Variants in RAB31 observed in about 807,000 individuals in gnomAD.
RAB31 encodes ras-related protein Rab-31.
In RAB31, 21 loss-of-function variants were observed where a neutral mutation model predicts 25.6. The observed-to-expected ratio is 0.82, with a 90% CI of 0.58 to 1.18. RAB31 has a LOEUF of 1.18. Among genes scored for constraint, RAB31 ranks in the 50% most tolerant of loss-of-function variants. The probability of loss-of-function intolerance (pLI) is 0.00; values close to 1 mark genes in which losing one functional copy is unlikely to be tolerated. For missense variants in RAB31, 196 were observed against 250.1 expected, an observed-to-expected ratio of 0.78 and a Z score of 1.46; for synonymous variants, 87 against 84.0, an observed-to-expected ratio of 1.04 and a Z score of -0.20.
chr18:9,773,173 C>T (rs2068354244), intron 1 of RAB31, among the ~76,000 whole-genome samples: 1 of 152,082 alleles, frequency 6.6e-6, no homozygotes. Context: ...GTATTAAAAG[C>T]CAAGTCCCCT....
intron 1 of RAB31, among the ~76,000 whole-genome samples, chr18:9,719,638 A>G (rs1046406623): frequency 1.3e-5 from 2 of 151,804 alleles, no homozygotes; most frequent in African/African-American, 4.8e-5. Context: ...TTTATATTTT[A>G]GGACCAATGT....
intron 1 of RAB31, among the ~76,000 whole-genome samples, chr18:9,772,631 AAGG>A (rs759745803): frequency 2.0e-4 from 31 of 152,184 alleles, no homozygotes; most frequent in Non-Finnish European, 3.7e-4. Flanking sequence ...TAGCCCTGAG[AAGG>A]AGAATTCCTA....
chr18:9,831,923 A>T (rs1187536967), intron 5 of RAB31, among the ~76,000 whole-genome samples: 1 of 152,164 alleles, frequency 6.6e-6, no homozygotes, highest in Non-Finnish European at 1.5e-5. Flanking sequence ...GTCCACTGGC[A>T]AGTGGAGGCA....
chr18:9,713,724 C>A (rs2068029392), intron 1 of RAB31, among the ~76,000 whole-genome samples: 1 of 152,200 alleles, frequency 6.6e-6, no homozygotes, highest in Non-Finnish European at 1.5e-5. Context: ...ATACCATAGG[C>A]TGGAGGGCTT....
At chr18:9,714,725 G>A (rs531903877) in intron 1 of RAB31, among the ~76,000 whole-genome samples, 61 of 152,338 alleles carry the variant, frequency 4.0e-4, no homozygotes, top group Middle Eastern at 3.4e-3. Flanking sequence ...CATTTGTGGA[G>A]TGTTTCTTTT....
intron 5 of RAB31, among the ~76,000 whole-genome samples, chr18:9,837,651 G>C (rs1169918144): frequency 6.6e-6 from 1 of 152,248 alleles, no homozygotes; most frequent in East Asian, 1.9e-4. Flanking sequence ...ACCCTGGGCA[G>C]AGAACATGTA....
chr18:9,792,686 T>G (rs76258836), intron 3 of RAB31, among the ~76,000 whole-genome samples: 2,083 of 152,298 alleles, frequency 0.014, 46 homozygotes, highest in African/African-American at 0.048. Context: ...GAGTTCTCAC[T>G]GGCCTGCCTT....
chr18:9,820,572 A>T (rs2068619883), intron 5 of RAB31, among the ~76,000 whole-genome samples: 1 of 152,026 alleles, frequency 6.6e-6, no homozygotes, highest in African/African-American at 2.4e-5. Flanking sequence ...TTTGTGAAGG[A>T]TTGATGTCAT....
intron 6 of RAB31, among the ~76,000 whole-genome samples, chr18:9,855,687 C>G (rs745494893): frequency 1.3e-5 from 2 of 152,180 alleles, no homozygotes; most frequent in African/African-American, 4.8e-5. Context: ...GTGCCGGCCT[C>G]ATTGTTATGA....
intron 1 of RAB31, among the ~76,000 whole-genome samples, chr18:9,736,971 A>G (rs551798391): frequency 9.2e-4 from 140 of 152,288 alleles, no homozygotes; most frequent in African/African-American, 3.3e-3. Context: ...TATCTCTTTC[A>G]AATAGCTATT....
intron 2 of RAB31, among the ~76,000 whole-genome samples, chr18:9,777,361 C>G (rs977539217): frequency 1.3e-5 from 2 of 152,090 alleles, no homozygotes; most frequent in Admixed American, 1.3e-4. Context: ...ATCCAAAATT[C>G]AAAATAATTC....
intron 1 of RAB31, among the ~76,000 whole-genome samples, chr18:9,757,192 T>G (rs1462222170): frequency 6.6e-6 from 1 of 151,926 alleles, no homozygotes; most frequent in Non-Finnish European, 1.5e-5. Context: ...TGCCTGGGAG[T>G]CAGAGCCCGA....
At chr18:9,806,569 A>C (rs1283622688) in intron 3 of RAB31, among the ~76,000 whole-genome samples, 1 of 152,000 alleles carries the variant, frequency 6.6e-6, no homozygotes, top group African/African-American at 2.4e-5. Flanking sequence ...CCAAGAAGGG[A>C]CCAGGGCGGG....
At position 9,730,490 on chromosome 18, in the gene RAB31, G is replaced by A. The variant is rs542782445; in HGVS notation, c.39+22046G>A. Among the ~76,000 whole-genome samples, 8 of 152,126 alleles carry A rather than the reference G, an allele frequency of 5.3e-5. No individual in the cohort carries two copies. The South Asian group carries it at 1.5e-3, about 28-fold the overall frequency. Reference sequence around the variant, plus strand: ...TTTTTAGTAGAGACAGGGTCTCACCGTGTTAGCCAGGCTGGTCTTGTACCC... The same window carrying A: ...TTTTTAGTAGAGACAGGGTCTCACCATGTTAGCCAGGCTGGTCTTGTACCC... On this transcript the variant is annotated intron_variant, in intron 1 of 6. Transcript: ENST00000578921.
chr18:9,785,882 G>A (rs1041811286), intron 2 of RAB31, among the ~76,000 whole-genome samples: 7 of 152,132 alleles, frequency 4.6e-5, no homozygotes, highest in Non-Finnish European at 7.3e-5. Flanking sequence ...CCAACGTGGT[G>A]AAACCCCTTC....
chr18:9,719,780 C>T (rs112107945), intron 1 of RAB31, among the ~76,000 whole-genome samples: 1 of 152,030 alleles, frequency 6.6e-6, no homozygotes, highest in African/African-American at 2.4e-5. Context: ...GTCATCAGCC[C>T]GACCTCCTTG....
In RAB31 at chr18:9,724,851, A is replaced by G. The variant is rs544762429; in HGVS notation, c.39+16407A>G. On this transcript the variant is annotated intron_variant, in intron 1 of 6. Transcript: ENST00000578921. ...CTCAGTGTTTGCTACCTATTGCCGC[A>G]TAACAAACTACCCTGACCTCAGTGG... 2.6e-5 allele frequency among the ~76,000 whole-genome samples: 4 copies of G among 152,346 alleles called. No individual in the cohort carries two copies. The East Asian group carries it at 5.8e-4, about 22-fold the overall frequency.
At chr18:9,776,875 TC>T (rs1410497180) in intron 2 of RAB31, among the ~76,000 whole-genome samples, 4 of 152,084 alleles carry the variant, frequency 2.6e-5, no homozygotes, top group Non-Finnish European at 5.9e-5. Context: ...AGGTTGAGCA[TC>T]CCTAATCCAA....
intron 6 of RAB31, among the ~76,000 whole-genome samples, chr18:9,857,686 T>TAGATGGTA (rs1555693032): frequency 5.3e-5 from 6 of 114,088 alleles, no homozygotes; most frequent in Admixed American, 1.8e-4. Flanking sequence ...GATAGATAGA[T>TAGATGGTA]GATAGATAGA....
Sources: gnomAD v4.1 joint callset for allele counts (sites outside exome capture counted in the v4.1 genomes callset) on GRCh38, gnomAD v4.1.1 for gene constraint, MANE v1.5 for transcripts, NCBI Gene and HGNC (gene_info 2026-07-23, HGNC 2026-07-21) for gene names.